Variants in ACTR2 observed in about 807,000 individuals in gnomAD.
ACTR2 encodes actin related protein 2.
In ACTR2, 5 loss-of-function variants were observed where a neutral mutation model predicts 50.2. The observed-to-expected ratio is 0.10, with a 90% confidence interval of 0.05 to 0.21. The LOEUF (loss-of-function observed/expected upper bound fraction) is 0.21. Among genes scored for constraint, ACTR2 ranks in the 10% least tolerant of loss-of-function variants. The pLI, the probability that ACTR2 is intolerant of heterozygous loss-of-function variation, is 1.00. For synonymous variants in ACTR2, 140 were observed against 162.9 expected (o/e 0.86, Z 1.07); for missense variants, 180 against 480.6 (o/e 0.37, Z 5.85).
chr2:65,235,050 G>A (rs1433087395), intron 1 of ACTR2, among the ~76,000 whole-genome samples: 3 of 151,990 alleles, frequency 2.0e-5, no homozygotes, highest in Non-Finnish European at 4.4e-5. Flanking sequence ...CAGAAATGTG[G>A]GAACAATAGG....
intron 1 of ACTR2, 135 bp from the exon 2 acceptor site, chr2:65,239,717 G>A: frequency 1.6e-6 from 1 of 644,592 alleles, no homozygotes; most frequent in Non-Finnish European, 2.8e-6. Flanking sequence ...AGATTGAGTG[G>A]CTACTTCGGG....
At chr2:65,229,766 A>AAAAAAG (rs1558618372) in intron 1 of ACTR2, among the ~76,000 whole-genome samples, 15 of 148,850 alleles carry the variant, frequency 1.0e-4, no homozygotes, top group Non-Finnish European at 1.2e-4. Context: ...AAAAAAAAAA[A>AAAAAAG]AAAAAGAAAA....
chr2:65,236,290 G>A (rs1671737045), intron 1 of ACTR2, among the ~76,000 whole-genome samples: 1 of 149,500 alleles, frequency 6.7e-6, no homozygotes, highest in South Asian at 2.1e-4. Flanking sequence ...GAGCTGCGAT[G>A]ACGTCACTGC....
intron 1 of ACTR2, 175 bp downstream of exon 1, chr2:65,228,132 C>T (rs931714374): frequency 3.9e-6 from 2 of 507,632 alleles, no homozygotes; most frequent in Non-Finnish European, 6.4e-6. Flanking sequence ...CCTGGTCTCC[C>T]TTGAGCCTGC....
Position 65,269,952 on chromosome 2 carries a change from C to G in ACTR2, c.*1218C>G, listed in dbSNP as rs1265545573. 2 of 152,102 alleles carry G rather than the reference C, an allele frequency of 1.3e-5. No homozygotes were observed. Among genetic ancestry groups the G allele is most frequent in the African/African-American group, 4.8e-5 (2 of 41,424 alleles). The allele number at this position is 152,102 out of a possible 1,614,324, so 9.4% of individuals were successfully genotyped here. On this transcript the variant is annotated 3_prime_UTR_variant, in exon 9 of 9. Coordinates refer to ENST00000260641, the MANE Select transcript of ACTR2 (RefSeq NM_005722.4). Reference sequence around the variant, plus strand: ...ATTTGTACTGAAAAACTAATCATAACTGTTAATTCTCAGCCATCTTTGAAG... The same window carrying G: ...ATTTGTACTGAAAAACTAATCATAAGTGTTAATTCTCAGCCATCTTTGAAG...
intron 1 of ACTR2, among the ~76,000 whole-genome samples, chr2:65,230,795 T>G (rs1671622599): frequency 6.6e-6 from 1 of 152,132 alleles, no homozygotes; most frequent in African/African-American, 2.4e-5. Context: ...GGCTCATGCC[T>G]GTAATCCCAG....
At chr2:65,239,765 A>T in intron 1 of ACTR2, 87 bp from the exon 2 acceptor site, 1 of 870,848 alleles carries the variant, frequency 1.1e-6, no homozygotes. Context: ...TGTTATATAA[A>T]TGCAAAGTGA....
rs368871018 is a variant in ACTR2 at position 65,248,748 on chromosome 2, G to A, written c.375+2009G>A. 2.6e-5 allele frequency among the ~76,000 whole-genome samples: 4 copies of A among 152,026 alleles called. No individual in the cohort carries two copies. The East Asian group carries it at 7.8e-4, about 30-fold the overall frequency. ...GGAGATTGAAAACGTTATTGAGGCC[G>A]GGCTAGGTGGCTCCCAGCACTTTGG... On this transcript the variant is annotated intron_variant, in intron 3 of 8. Coordinates refer to ENST00000260641, the MANE Select transcript of ACTR2 (RefSeq NM_005722.4).
At chr2:65,245,224 A>C (rs545654681) in intron 2 of ACTR2, among the ~76,000 whole-genome samples, 1 of 151,964 alleles carries the variant, frequency 6.6e-6, no homozygotes, top group South Asian at 2.1e-4. Flanking sequence ...CTTTGTTTTA[A>C]AACATCTCAT....
intron 4 of ACTR2, among the ~76,000 whole-genome samples, chr2:65,251,607 C>T (rs1169313007): frequency 1.3e-5 from 2 of 152,130 alleles, no homozygotes; most frequent in Admixed American, 6.6e-5. Flanking sequence ...GTAGTCCGCC[C>T]GCCTCAGCCT....
rs747482331 is a variant in ACTR2 at position 65,239,992 on chromosome 2, T to C, written c.159+30T>C. 5.0e-5 allele frequency: 69 copies of C among 1,389,578 alleles called. No homozygotes were observed. In the South Asian group the frequency reaches 7.6e-4, roughly 15 times the overall value. The allele number at this position is 1,389,578 out of a possible 1,614,324, so 86.1% of individuals were successfully genotyped here. A position where few individuals can be genotyped will look rare whatever the true frequency, so the allele number is the denominator to read the frequency against. On this transcript the variant is annotated intron_variant, in intron 2 of 8. Coordinates refer to ENST00000260641, the MANE Select transcript of ACTR2 (RefSeq NM_005722.4). ...TATTTTATTTATTGATAAATGATAATCAAGACATGTGAGGTGTTCTTATAA... is the reference window on the plus strand; with the variant it reads ...TATTTTATTTATTGATAAATGATAACCAAGACATGTGAGGTGTTCTTATAA...
intron 3 of ACTR2, among the ~76,000 whole-genome samples, chr2:65,250,698 T>G (rs1672031981): frequency 6.7e-6 from 1 of 149,608 alleles, no homozygotes; most frequent in African/African-American, 2.5e-5. Context: ...AAAAAAGAAT[T>G]TCCCTTAAGG....
chr2:65,231,010 C>T (rs1186209344), intron 1 of ACTR2, among the ~76,000 whole-genome samples: 1 of 150,642 alleles, frequency 6.6e-6, no homozygotes, highest in Non-Finnish European at 1.5e-5. Context: ...GCCAAGATCA[C>T]GCCACTGCAC....
intron 2 of ACTR2, among the ~76,000 whole-genome samples, chr2:65,244,314 C>A (rs11677340): frequency 0.54 from 82,134 of 151,786 alleles, 22,489 homozygotes; most frequent in East Asian, 0.79. Flanking sequence ...GTACAACACA[C>A]AAAAAAGACG....
chr2:65,256,166 C>G (rs1032236390), intron 6 of ACTR2, among the ~76,000 whole-genome samples: 4 of 152,184 alleles, frequency 2.6e-5, no homozygotes, highest in African/African-American at 9.6e-5. Context: ...GACTTATGCT[C>G]TAGGACTTTT....
At position 65,268,936 on chromosome 2, in the gene ACTR2, C is replaced by G. The variant is rs1440156266; in HGVS notation, c.*202C>G. 4 of 545,894 alleles carry G rather than the reference C, an allele frequency of 7.3e-6. No homozygotes were observed. The highest frequency in any genetic ancestry group is 5.7e-5 in the African/African-American group (3 of 52,286). 33.8% of individuals were successfully genotyped at this position (545,894 alleles called of 1,614,324 possible). On this transcript the variant is annotated 3_prime_UTR_variant, in exon 9 of 9. Coordinates refer to ENST00000260641, the MANE Select transcript of ACTR2 (RefSeq NM_005722.4). ...AAATCTGAGTTTAATTCAACTGCTT[C>G]CCTACATAGACTAGAGGGCTAAGGA...
At chr2:65,241,208 G>A (rs1671835492) in intron 2 of ACTR2, among the ~76,000 whole-genome samples, 1 of 152,096 alleles carries the variant, frequency 6.6e-6, no homozygotes, top group African/African-American at 2.4e-5. Context: ...GCTAATAATA[G>A]TGATAAGGAT....
At chr2:65,245,488 C>G (rs1157070103) in intron 2 of ACTR2, among the ~76,000 whole-genome samples, 1 of 152,142 alleles carries the variant, frequency 6.6e-6, no homozygotes, top group Non-Finnish European at 1.5e-5. Flanking sequence ...CCACTGCGCT[C>G]TAGCCTGGGC....
chr2:65,230,970 C>G (rs1367786361), intron 1 of ACTR2, among the ~76,000 whole-genome samples: 1 of 151,418 alleles, frequency 6.6e-6, no homozygotes, highest in Non-Finnish European at 1.5e-5. Flanking sequence ...AGGAGAATTA[C>G]TTGTACCTGG....
Sources: allele counts gnomAD v4.1 joint callset (sites outside exome capture counted in the v4.1 genomes callset), GRCh38; gene constraint gnomAD v4.1.1; transcripts MANE v1.5; gene names NCBI Gene and HGNC (gene_info 2026-07-23, HGNC 2026-07-21).